Variants in LTBP1 observed in about 807,000 individuals in gnomAD.
LTBP1 encodes the protein latent transforming growth factor beta binding protein 1.
Under a neutral mutation model 207.6 loss-of-function variants are expected in LTBP1, and 129 were observed. That is an observed-to-expected ratio of 0.62 (90% CI 0.54 to 0.72). The LOEUF is 0.72. LTBP1 is among the 30% of genes least tolerant of loss of function. The pLI is 0.00. For synonymous variants in LTBP1, 963 were observed against 833.7 expected (o/e 1.16, Z -2.67); for missense variants, 2,281 against 2,217.2 (o/e 1.03, Z -0.58).
At chr2:33,268,914 A>T (rs1461905044) in intron 15 of LTBP1, among the ~76,000 whole-genome samples, 3 of 152,170 alleles carry the variant, frequency 2.0e-5, no homozygotes, top group Non-Finnish European at 1.5e-5. Flanking sequence ...TGTAATTATC[A>T]TGGCCCAGAC....
intron 3 of LTBP1, among the ~76,000 whole-genome samples, chr2:33,046,359 C>G (rs1013958167): frequency 1.3e-5 from 2 of 152,146 alleles, no homozygotes; most frequent in African/African-American, 4.8e-5. Context: ...TTTTCTGCAT[C>G]TATTGAGATA....
chr2:32,962,870 A>T (rs748155473), intron 2 of LTBP1, among the ~76,000 whole-genome samples: 1 of 152,238 alleles, frequency 6.6e-6, no homozygotes, highest in Admixed American at 6.5e-5. Flanking sequence ...GAGCTCTGGG[A>T]TGGGGCCAGC....
At chr2:33,037,170 C>T (rs2075966323) in intron 3 of LTBP1, among the ~76,000 whole-genome samples, 1 of 146,482 alleles carries the variant, frequency 6.8e-6, no homozygotes, top group African/African-American at 2.5e-5. Context: ...CCCTGTCCCT[C>T]TCATAAAAAA....
In LTBP1 at chr2:32,947,576, C is replaced by A; in HGVS notation, c.252C>A (p.Thr84=). 1.5e-6 allele frequency: 2 copies of A among 1,327,816 alleles called. No individual in the cohort carries two copies. Among genetic ancestry groups the A allele is most frequent in the Non-Finnish European group, 9.6e-7 (1 of 1,043,098 alleles). 82.3% of individuals were successfully genotyped at this position (1,327,816 alleles called of 1,614,324 possible). A position where few individuals can be genotyped will look rare whatever the true frequency, so the allele number is the denominator to read the frequency against. Residue 84 remains threonine (T), a synonymous_variant, in exon 1 of 34, where the codon ACC becomes ACA. Coordinates refer to ENST00000404816, the MANE Select transcript of LTBP1 (RefSeq NM_206943.4). ...RASPGVPSER[T]RRTSKPGGAA... is the part of the protein sequence containing the mutation. ...CCCCCGGGGTCCCCTCGGAGAGGAC[C>A]CGGCGCACGAGCAAGCCGGGCGGCG...
At chr2:33,345,559 A>G (rs557387357) in intron 25 of LTBP1, among the ~76,000 whole-genome samples, 12 of 152,360 alleles carry the variant, frequency 7.9e-5, no homozygotes, top group East Asian at 3.9e-4. Flanking sequence ...TCTGGTCTCA[A>G]TATGACTGTC....
Position 33,155,846 on chromosome 2 carries a change from G to A in LTBP1, c.1201+20886G>A, listed in dbSNP as rs139613059. On this transcript the variant is annotated intron_variant, in intron 5 of 33. Transcript: ENST00000404816. The stretch of plus-strand genomic sequence containing the variant: ...CTTCTCAGTTCATACAATTGATAGA[G>A]AAATTGATTTTTGATAACGTTTTGT... Among the ~76,000 whole-genome samples, 208 of 152,300 alleles carry A rather than the reference G, an allele frequency of 1.4e-3. 1 individual carries two copies. Among genetic ancestry groups the A allele is most frequent in the African/African-American group, 4.8e-3 (200 of 41,550 alleles).
chr2:32,981,938 T>C (rs1213723247), intron 2 of LTBP1, among the ~76,000 whole-genome samples: 2 of 152,236 alleles, frequency 1.3e-5, no homozygotes, highest in East Asian at 1.9e-4. Context: ...TTAATAGCAG[T>C]ATGAAAATGG....
chr2:33,075,658 T>A lies in LTBP1; in HGVS notation c.864-34924T>A, dbSNP rs371465644. On this transcript the variant is annotated intron_variant, in intron 3 of 33. Coordinates refer to ENST00000404816, the MANE Select transcript of LTBP1 (RefSeq NM_206943.4). ...CCTTATGCGTGTTTGAACCAACATC[T>A]GATTTTGAAGTTACCCAACTGCCTG... Among the ~76,000 whole-genome samples, 13 of 152,358 alleles carry A rather than the reference T, an allele frequency of 8.5e-5. No individual in the cohort carries two copies. In the South Asian group the frequency reaches 1.7e-3, roughly 19 times the overall value.
chr2:33,076,220 G>T (rs563856739), intron 3 of LTBP1, among the ~76,000 whole-genome samples: 38 of 152,236 alleles, frequency 2.5e-4, no homozygotes, highest in Admixed American at 6.5e-4. Flanking sequence ...GTTCATAGGA[G>T]GTTTAGTATT....
chr2:33,137,943 G>A (rs1271793882), intron 5 of LTBP1, among the ~76,000 whole-genome samples: 1 of 152,170 alleles, frequency 6.6e-6, no homozygotes, highest in African/African-American at 2.4e-5. Flanking sequence ...GTGTCTTGTG[G>A]GAAGGCTGGC....
chr2:33,206,737 T>TC, intron 7 of LTBP1, among the ~76,000 whole-genome samples: 1 of 129,416 alleles, frequency 7.7e-6, no homozygotes, highest in South Asian at 2.3e-4. Flanking sequence ...AGACTCCATT[T>TC]CAAAAAAAAA....
intron 19 of LTBP1, among the ~76,000 whole-genome samples, chr2:33,285,415 T>C (rs2093645677): frequency 1.3e-5 from 2 of 151,626 alleles, no homozygotes; most frequent in African/African-American, 4.8e-5. Flanking sequence ...ATTCTTCTTA[T>C]GTCATTGGAG....
In LTBP1 at chr2:33,259,622, A is replaced by G. The variant is rs925239381; in HGVS notation, c.2418+12A>G. The G allele has an allele frequency of 2.5e-6, 4 of 1,595,922 alleles. No homozygotes were observed. In the Admixed American group the frequency reaches 6.9e-5, roughly 28 times the overall value. On this transcript the variant is annotated intron_variant, in intron 13 of 33. Transcript: ENST00000404816. ...CACCCCCTGAAAAGGTAATTTATTCATTGCTTGCAAGTCTTTTTTTTTCAA... is the reference window on the plus strand; with the variant it reads ...CACCCCCTGAAAAGGTAATTTATTCGTTGCTTGCAAGTCTTTTTTTTTCAA...
At chr2:33,340,614 T>C (rs112232911) in intron 24 of LTBP1, among the ~76,000 whole-genome samples, 2,065 of 152,210 alleles carry the variant, frequency 0.014, 26 homozygotes, top group Middle Eastern at 0.037. Context: ...GTGCTTTTTC[T>C]CATAGGAGTC....
chr2:33,309,249 C>T (rs141401668), intron 22 of LTBP1, among the ~76,000 whole-genome samples, 185 bp from the exon 23 acceptor site: 1 of 148,416 alleles, frequency 6.7e-6, no homozygotes, highest in East Asian at 2.0e-4. Context: ...CGCCACTGCA[C>T]TCCAGCATGG....
intron 2 of LTBP1, among the ~76,000 whole-genome samples, chr2:33,006,912 G>C (rs1459208884): frequency 1.3e-5 from 2 of 152,116 alleles, no homozygotes; most frequent in Non-Finnish European, 2.9e-5. Context: ...TCCTTCCATG[G>C]AGAGGAATGG....
At chr2:33,327,020 C>G (rs1057240793) in intron 24 of LTBP1, among the ~76,000 whole-genome samples, 6 of 152,042 alleles carry the variant, frequency 3.9e-5, no homozygotes, top group African/African-American at 1.2e-4. Context: ...TTTAAAAATG[C>G]ATTTTAGATT....
chr2:32,985,724 T>G lies in LTBP1; in HGVS notation c.566-35185T>G, dbSNP rs962933649. ...GAGTACCTACCATGTAGTAGGTACA[T>G]GTCAACATGGAAGATGTTGAGGGGT... On this transcript the variant is annotated intron_variant, in intron 2 of 33. Coordinates refer to ENST00000404816, the MANE Select transcript of LTBP1 (RefSeq NM_206943.4). Among the ~76,000 whole-genome samples the G allele has an allele frequency of 3.9e-5, 6 of 152,358 alleles. No homozygotes were observed. In the South Asian group the frequency reaches 8.3e-4, roughly 21 times the overall value.
intron 3 of LTBP1, among the ~76,000 whole-genome samples, chr2:33,096,888 C>G (rs913524264): frequency 1.1e-4 from 17 of 152,028 alleles, no homozygotes; most frequent in Admixed American, 1.0e-3. Context: ...CTCTTTAAAA[C>G]AAATCAAAAC....
Sources: gnomAD v4.1 joint callset for allele counts (sites outside exome capture counted in the v4.1 genomes callset) on GRCh38, gnomAD v4.1.1 for gene constraint, MANE v1.5 for transcripts, NCBI Gene and HGNC (gene_info 2026-07-23, HGNC 2026-07-21) for gene names.